The following ZNF703 variants were observed in gnomAD, a reference collection of about 807,000 sequenced individuals.
The protein encoded by ZNF703 is NocA-like zinc finger 1.
In ZNF703, 18 loss-of-function variants were observed where a neutral mutation model predicts 30.7. The ratio of observed to expected loss-of-function variants is 0.59; its 90% CI spans 0.40 to 0.87. The LOEUF (loss-of-function observed/expected upper bound fraction) is 0.87, where lower values mean the gene tolerates loss of function less well. ZNF703 is among the 40% of genes least tolerant of loss of function. The pLI is 0.00. For synonymous variants in ZNF703, 457 were observed against 438.6 expected, an observed-to-expected ratio of 1.04 and a Z score of -0.52; for missense variants, 814 against 847.8, an observed-to-expected ratio of 0.96 and a Z score of 0.50.
chr8:37,696,696 C>A lies in ZNF703; in HGVS notation c.244-449C>A, dbSNP rs1044889479. 1.2e-4 allele frequency among the ~76,000 whole-genome samples: 19 copies of A among 152,154 alleles called. No individual in the cohort carries two copies. The highest frequency in any genetic ancestry group is 5.2e-4 in the Admixed American group (8 of 15,286). The stretch of plus-strand genomic sequence containing the variant: ...CTGCCTCTTCCCTGGGTGCCCTCCC[C>A]GGGAGGGAGGGGCTACGGAGAGAGC... On this transcript the variant is annotated intron_variant, in intron 1 of 1. Coordinates refer to ENST00000331569, the MANE Select transcript of ZNF703 (RefSeq NM_025069.3). The surrounding 1 kb of genome is among the most constrained non-coding windows in gnomAD (Gnocchi z 8.2).
rs1802119972 is a variant in ZNF703, at chr8:37,698,728, TCCCTC to T, written c.*58_*62del. The T allele has an allele frequency of 8.0e-7, 1 of 1,253,280 alleles. No homozygotes were observed. The highest frequency in any genetic ancestry group is 2.2e-5 in the African/African-American group (1 of 45,372). 77.6% of individuals were successfully genotyped at this position (1,253,280 alleles called of 1,614,324 possible). A position where few individuals can be genotyped will look rare whatever the true frequency, so the allele number is the denominator to read the frequency against. The stretch of plus-strand genomic sequence containing the variant: ...TCACCCTCCTCCCTCTCCCTCCTCC[TCCCTC>T]CCCACCTGCCGTCGCCGCTGCAACC... On this transcript the variant is annotated 3_prime_UTR_variant, in exon 2 of 2. Coordinates refer to ENST00000331569, the MANE Select transcript of ZNF703 (RefSeq NM_025069.3).
rs139403834 is a variant in ZNF703, at chr8:37,696,171, G to A, written c.192G>A (p.Leu64=). The stretch of plus-strand genomic sequence containing the variant: ...TGAGCGCTCACACCGGTCACCTCCT[G>A]CACCCGGAGTACCTGCAGCCGCTGT... ...KMLSAHTGHL[L]HPEYLQPLSS... is the part of the protein sequence containing the mutation. The change falls in exon 1 of 2, where the codon CTG becomes CTA. Residue 64 remains leucine, a synonymous_variant. Coordinates refer to ENST00000331569, the MANE Select transcript of ZNF703 (RefSeq NM_025069.3). The surrounding 1 kb of genome is among the most constrained non-coding windows in gnomAD (Gnocchi z 8.2). The A allele has an allele frequency of 3.3e-3, 5,374 of 1,612,026 alleles. 231 individuals carry two copies. In the Admixed American group the frequency reaches 0.076, roughly 23 times the overall value.
chr8:37,697,637 G>A lies in ZNF703; in HGVS notation c.736G>A (p.Asp246Asn), dbSNP rs1056070058. 3 of 1,392,560 alleles carry A rather than the reference G, an allele frequency of 2.2e-6. No individual in the cohort carries two copies. The highest frequency in any genetic ancestry group is 3.0e-5 in the East Asian group (1 of 33,286). The allele number at this position is 1,392,560 out of a possible 1,614,324, so 86.3% of individuals were successfully genotyped here. Residue 246 changes from aspartate to asparagine, a missense_variant, in exon 2 of 2, where the codon GAC becomes AAC. Asp to Asn is a conservative substitution (Grantham distance 23). Transcript: ENST00000331569. ...GVGGGELDKK[D>N]QEPKPSPEPA... is the part of the protein sequence containing the mutation. ...TGGCGGCGGGGAGCTGGACAAGAAA[G>A]ACCAGGAGCCCAAGCCCAGCCCGGA...
rs527386789 is a variant in ZNF703 at position 37,698,031 on chromosome 8, G to A, written c.1130G>A (p.Arg377His). 3 of 1,547,434 alleles carry A rather than the reference G, an allele frequency of 1.9e-6. No homozygotes were observed. The highest frequency in any genetic ancestry group is 2.3e-5 in the South Asian group (2 of 85,530). The change falls in exon 2 of 2, where the codon CGC (arginine) becomes CAC (histidine). Residue 377 changes from arginine (R) to histidine (H), a missense_variant. Transcript: ENST00000331569. ...SPPSFLQGLC[R>H]DPYCLGGYHG... ...CCCTCCTTCCTGCAGGGATTATGCC[G>A]CGACCCCTATTGCTTGGGAGGTTAC...
In ZNF703 at chr8:37,698,309, C is replaced by T; in HGVS notation, c.1408C>T (p.Arg470Cys). 3 of 1,540,352 alleles carry T rather than the reference C, an allele frequency of 1.9e-6. No homozygotes were observed. The highest frequency in any genetic ancestry group is 2.5e-5 in the East Asian group (1 of 40,250). ...WVAASGPCDK[R>C]FATSEELLSH... ...GGCAGCCAGTGGGCCGTGCGACAAG[C>T]GCTTCGCCACCTCGGAGGAGCTGCT... Residue 470 changes from arginine to cysteine, a missense_variant, in exon 2 of 2, where the codon CGC becomes TGC. Coordinates refer to ENST00000331569, the MANE Select transcript of ZNF703 (RefSeq NM_025069.3).
chr8:37,697,725 G>A lies in ZNF703; in HGVS notation c.824G>A (p.Gly275Glu). 7.2e-7 allele frequency: 1 copy of A among 1,384,444 alleles called. No homozygotes were observed. The allele number at this position is 1,384,444 out of a possible 1,614,324, so 85.8% of individuals were successfully genotyped here. A position where few individuals can be genotyped will look rare whatever the true frequency, so the allele number is the denominator to read the frequency against. Reference sequence around the variant, plus strand: ...GGGGCGCACGGTGGCGCCGAGTCCGGGGCCTCCGGGCGCAAGTCCGAGCCG... The same window carrying A: ...GGGGCGCACGGTGGCGCCGAGTCCGAGGCCTCCGGGCGCAAGTCCGAGCCG... Reference protein sequence around the residue: ...EPGAHGGAESGASGRKSEPPS... With the variant: ...EPGAHGGAESEASGRKSEPPS... Residue 275 changes from glycine (G) to glutamate (E), a missense_variant, in exon 2 of 2, where the codon GGG becomes GAG. Gly to Glu is a moderately conservative substitution (Grantham distance 98). Transcript: ENST00000331569.
In ZNF703 at chr8:37,697,888, G is replaced by T; in HGVS notation, c.987G>T (p.Gln329His). 4 of 1,554,862 alleles carry T rather than the reference G, an allele frequency of 2.6e-6. No individual in the cohort carries two copies. In the South Asian group the frequency reaches 3.5e-5, roughly 14 times the overall value. ...GCGCCTACGCCGGCTACCCGTCTCA[G>T]TTCGTGCCTGGCCTGGATCCTAGCA... Reference protein sequence around the residue: ...IVGAYAGYPSQFVPGLDPSKS... With the variant: ...IVGAYAGYPSHFVPGLDPSKS... The change falls in exon 2 of 2, where the codon CAG becomes CAT. Residue 329 changes from glutamine (Q) to histidine (H), a missense_variant. Gln to His is a conservative substitution (Grantham distance 24). Transcript: ENST00000331569.
In ZNF703 at chr8:37,699,743, G is replaced by C. The variant is rs1027628913; in HGVS notation, c.*1069G>C. On this transcript the variant is annotated 3_prime_UTR_variant, in exon 2 of 2. Transcript: ENST00000331569. ...CGCTAGATCCCTCCAAAGCAGACCG[G>C]TGGCGATGTCAGCGGATGTCACGAG... 2 of 152,440 alleles carry C rather than the reference G, an allele frequency of 1.3e-5. No individual in the cohort carries two copies. Among genetic ancestry groups the C allele is most frequent in the Middle Eastern group, 3.4e-3 (1 of 296 alleles). 9.4% of individuals were successfully genotyped at this position (152,440 alleles called of 1,614,324 possible). A position where few individuals can be genotyped will look rare whatever the true frequency, so the allele number is the denominator to read the frequency against.
chr8:37,698,200 C>T lies in ZNF703; in HGVS notation c.1299C>T (p.Ala433=), dbSNP rs1018199608. ...LQPAALSSSA[A]QAALPGHPLY... ...CCGCCGCGCTCTCGTCCAGCGCCGC[C>T]CAGGCCGCGCTCCCCGGCCACCCGC... The change falls in exon 2 of 2, where the codon GCC becomes GCT. Residue 433 remains alanine, a synonymous_variant. Transcript: ENST00000331569. The T allele has an allele frequency of 1.3e-6, 2 of 1,515,500 alleles. No homozygotes were observed. Among genetic ancestry groups the T allele is most frequent in the Non-Finnish European group, 8.8e-7 (1 of 1,138,474 alleles). 93.9% of individuals were successfully genotyped at this position (1,515,500 alleles called of 1,614,324 possible).
chr8:37,698,491 G>A lies in ZNF703; in HGVS notation c.1590G>A (p.Gly530=), dbSNP rs1479110940. The A allele has an allele frequency of 1.9e-6, 3 of 1,548,874 alleles. No individual in the cohort carries two copies. In the South Asian group the frequency reaches 3.6e-5, roughly 19 times the overall value. Residue 530 remains glycine, a synonymous_variant, in exon 2 of 2, where the codon GGG becomes GGA. Transcript: ENST00000331569. Reference sequence around the variant, plus strand: ...CGCCCGCCGCCCCCGGCAGCCCCGGGTCGCTGTCCTTGCGGAATCCACACA... The same window carrying A: ...CGCCCGCCGCCCCCGGCAGCCCCGGATCGCTGTCCTTGCGGAATCCACACA... ...LPPPAAPGSP[G]SLSLRNPHTL...
chr8:37,697,505 T>C lies in ZNF703; in HGVS notation c.604T>C (p.Phe202Leu), dbSNP rs1161638267. The part of the protein sequence containing the change: ...FRVPSAACPP[F>L]PPHGAPVSAS... Reference sequence around the variant, plus strand: ...GGTCCCCAGCGCCGCCTGCCCGCCCTTTCCCCCGCATGGAGCGCCGGTCTC... The same window carrying C: ...GGTCCCCAGCGCCGCCTGCCCGCCCCTTCCCCCGCATGGAGCGCCGGTCTC... Residue 202 changes from phenylalanine (F) to leucine (L), a missense_variant, in exon 2 of 2, where the codon TTT (phenylalanine) becomes CTT (leucine). Physicochemically the swap from Phe to Leu is conservative, Grantham distance 22 (BLOSUM62 0). Coordinates refer to ENST00000331569, the MANE Select transcript of ZNF703 (RefSeq NM_025069.3). 75 of 1,526,016 alleles carry C rather than the reference T, an allele frequency of 4.9e-5. No homozygotes were observed. Among genetic ancestry groups the C allele is most frequent in the Non-Finnish European group, 6.4e-5 (73 of 1,142,140 alleles). The allele number at this position is 1,526,016 out of a possible 1,614,324, so 94.5% of individuals were successfully genotyped here. A position where few individuals can be genotyped will look rare whatever the true frequency, so the allele number is the denominator to read the frequency against.
Position 37,698,019 on chromosome 8 carries a change from A to G in ZNF703, c.1118A>G (p.Gln373Arg). 3 of 1,557,062 alleles carry G rather than the reference A, an allele frequency of 1.9e-6. No individual in the cohort carries two copies. The highest frequency in any genetic ancestry group is 2.6e-6 in the Non-Finnish European group (3 of 1,155,988). ...LTGASPPSFLQGLCRDPYCLG... is the reference protein window; with the variant it reads ...LTGASPPSFLRGLCRDPYCLG... ...GGGGCCTCCCCGCCCTCCTTCCTGC[A>G]GGGATTATGCCGCGACCCCTATTGC... The change falls in exon 2 of 2, where the codon CAG becomes CGG. Residue 373 changes from glutamine to arginine, a missense_variant. Transcript: ENST00000331569.
rs1802116346 is a variant in ZNF703 at position 37,698,536 on chromosome 8, C to T, written c.1635C>T (p.Tyr545=). ...RNPHTLGLSR[Y]HPYGKSHLST... is the part of the protein sequence containing the mutation. ...CACACACTTTGGGCCTAAGCCGGTA[C>T]CACCCCTATGGCAAGAGCCACTTAT... Residue 545 remains tyrosine, a synonymous_variant, in exon 2 of 2, where the codon TAC becomes TAT. Coordinates refer to ENST00000331569, the MANE Select transcript of ZNF703 (RefSeq NM_025069.3). 1.3e-6 allele frequency: 2 copies of T among 1,575,542 alleles called. No individual in the cohort carries two copies. Among genetic ancestry groups the T allele is most frequent in the African/African-American group, 1.4e-5 (1 of 71,362 alleles).
chr8:37,698,494 G>A lies in ZNF703; in HGVS notation c.1593G>A (p.Ser531=). 1 of 1,550,116 alleles carries A rather than the reference G, an allele frequency of 6.5e-7. No homozygotes were observed. The highest frequency in any genetic ancestry group is 1.2e-5 in the South Asian group (1 of 83,192). The change falls in exon 2 of 2, where the codon TCG becomes TCA. Residue 531 remains serine (S), a synonymous_variant. Transcript: ENST00000331569. ...CCGCCGCCCCCGGCAGCCCCGGGTC[G>A]CTGTCCTTGCGGAATCCACACACTT... ...PPPAAPGSPG[S]LSLRNPHTLG...
rs1802059272 is a variant in ZNF703 at position 37,695,938 on chromosome 8, CCCCCGCCCT to C, written c.-33_-25del. 2.2e-6 allele frequency: 3 copies of C among 1,351,704 alleles called. No homozygotes were observed. Among genetic ancestry groups the C allele is most frequent in the Non-Finnish European group, 3.0e-6 (3 of 1,015,922 alleles). 83.7% of individuals were successfully genotyped at this position (1,351,704 alleles called of 1,614,324 possible). On this transcript the variant is annotated 5_prime_UTR_variant, in exon 1 of 2. Transcript: ENST00000331569. ...CCCGGGAGCTCGCCTCCCCGGTGCT[CCCCCGCCCT>C]CCCCGCCCCCCCAGCGGCGCTGCCT...
In ZNF703 at chr8:37,697,195, G is replaced by T; in HGVS notation, c.294G>T (p.Gln98His). 1 of 1,595,524 alleles carries T rather than the reference G, an allele frequency of 6.3e-7. No individual in the cohort carries two copies. The highest frequency in any genetic ancestry group is 8.5e-7 in the Non-Finnish European group (1 of 1,173,558). The change falls in exon 2 of 2, where the codon CAG becomes CAT. Residue 98 changes from glutamine to histidine, a missense_variant. Transcript: ENST00000331569. ...PLALLAQTCS[Q>H]IGKPDPPPSS... ...CGCTGCTGGCTCAGACCTGCTCGCA[G>T]ATCGGCAAGCCGGACCCGCCGCCCT...
intron 1 of ZNF703, 35 bp from the exon 2 acceptor site, chr8:37,697,110 C>A (rs1377472578): frequency 2.0e-6 from 3 of 1,492,424 alleles, no homozygotes; most frequent in Non-Finnish European, 2.7e-6. Context: ...CTGAGTCTCA[C>A]TCCTTCTCCC....
In ZNF703 at chr8:37,697,525, G is replaced by A. The variant is rs1802092227; in HGVS notation, c.624G>A (p.Pro208=). 1 of 1,512,272 alleles carries A rather than the reference G, an allele frequency of 6.6e-7. No individual in the cohort carries two copies. The highest frequency in any genetic ancestry group is 8.8e-7 in the Non-Finnish European group (1 of 1,135,574). The allele number at this position is 1,512,272 out of a possible 1,614,324, so 93.7% of individuals were successfully genotyped here. A position where few individuals can be genotyped will look rare whatever the true frequency, so the allele number is the denominator to read the frequency against. The change falls in exon 2 of 2, where the codon CCG becomes CCA. Residue 208 remains proline, a synonymous_variant. Transcript: ENST00000331569. ...CGCCCTTTCCCCCGCATGGAGCGCC[G>A]GTCTCCGCATCCTCGTCCTCGTCGT... The part of the protein sequence containing the change: ...ACPPFPPHGA[P]VSASSSSSSP...
Position 37,698,203 on chromosome 8 carries a change from G to T in ZNF703, c.1302G>T (p.Gln434His). ...CCGCGCTCTCGTCCAGCGCCGCCCA[G>T]GCCGCGCTCCCCGGCCACCCGCTCT... is the stretch of plus-strand genomic sequence containing the variant. ...QPAALSSSAA[Q>H]AALPGHPLYT... The change falls in exon 2 of 2, where the codon CAG becomes CAT. Residue 434 changes from glutamine to histidine, a missense_variant. Coordinates refer to ENST00000331569, the MANE Select transcript of ZNF703 (RefSeq NM_025069.3). 6.6e-7 allele frequency: 1 copy of T among 1,521,076 alleles called. No homozygotes were observed. Among genetic ancestry groups the T allele is most frequent in the East Asian group, 2.5e-5 (1 of 39,508 alleles). 94.2% of individuals were successfully genotyped at this position (1,521,076 alleles called of 1,614,324 possible).
Sources: allele counts gnomAD v4.1 joint callset (sites outside exome capture counted in the v4.1 genomes callset), GRCh38; gene constraint gnomAD v4.1.1; non-coding constraint Gnocchi (gnomAD v3.1); transcripts MANE v1.5; gene names NCBI Gene and HGNC (gene_info 2026-07-23, HGNC 2026-07-21).